Variants in BCAS3 observed in about 807,000 individuals in gnomAD.
BCAS3 encodes the protein BCAS4/BCAS3 fusion.
In BCAS3, 53 loss-of-function variants were observed where a neutral mutation model predicts 116.1. The observed-to-expected ratio is 0.46, with a 90% CI of 0.37 to 0.57. The LOEUF (loss-of-function observed/expected upper bound fraction) is 0.57, where lower values mean the gene tolerates loss of function less well. Among genes scored for constraint, BCAS3 ranks in the 20% least tolerant of loss-of-function variants. The probability of loss-of-function intolerance (pLI) is 0.00; values close to 1 mark genes in which losing one functional copy is unlikely to be tolerated. For synonymous variants in BCAS3, 391 were observed against 408.2 expected, an observed-to-expected ratio of 0.96 and a Z score of 0.51; for missense variants, 917 against 1,165.4, an observed-to-expected ratio of 0.79 and a Z score of 3.10.
At chr17:61,328,856 T>C (rs534349292) in intron 22 of BCAS3, among the ~76,000 whole-genome samples, 21 of 150,702 alleles carry the variant, frequency 1.4e-4, no homozygotes, top group Non-Finnish European at 2.4e-4. Context: ...CGTCTTTCTG[T>C]GCCTTCACAT....
rs982009953 is a variant in BCAS3, at chr17:61,213,055, G to A, written c.2425+128491G>A. ...AGTTTGGGATAGTTCTTTGGGGCAG[G>A]ACCCATGTCACACTTTTTCTGTATT... is the stretch of plus-strand genomic sequence containing the variant. On this transcript the variant is annotated intron_variant, in intron 22 of 23. Transcript: ENST00000407086. This position sits in a 1 kb window ranked among gnomAD's most constrained non-coding sequence, Gnocchi z 5.4. 6.6e-6 allele frequency among the ~76,000 whole-genome samples: 1 copy of A among 152,060 alleles called. No individual in the cohort carries two copies. The highest frequency in any genetic ancestry group is 1.5e-5 in the Non-Finnish European group (1 of 68,006).
In BCAS3 at chr17:61,298,983, C is replaced by T. The variant is rs139134582; in HGVS notation, c.2426-69344C>T. 1.6e-3 allele frequency among the ~76,000 whole-genome samples: 247 copies of T among 151,956 alleles called. 6 individuals are homozygous for T. In the East Asian group the frequency reaches 0.04, roughly 24 times the overall value. On this transcript the variant is annotated intron_variant, in intron 22 of 23. Coordinates refer to ENST00000407086, the MANE Select transcript of BCAS3 (RefSeq NM_017679.5). ...GATGAGAGGCACCCTGCACCATACC[C>T]GGCTACTTTTTATATTTTTAGTAGA...
rs913614699 is a variant in BCAS3, at chr17:61,391,019, C to T, written c.2594-958C>T. ...GGGGGAGACTGAAAGGGAATCGGAA[C>T]TGACCACCTTCAAAAAGCCAAGAAG... On this transcript the variant is annotated intron_variant, in intron 23 of 23. Transcript: ENST00000407086. The surrounding 1 kb of genome is among the most constrained non-coding windows in gnomAD (Gnocchi z 7.7). 6.6e-6 allele frequency: 1 copy of T among 152,250 alleles called. No individual in the cohort carries two copies. The highest frequency in any genetic ancestry group is 1.5e-5 in the Non-Finnish European group (1 of 68,066). 9.4% of individuals were successfully genotyped at this position (152,250 alleles called of 1,614,324 possible).
intron 6 of BCAS3, among the ~76,000 whole-genome samples, chr17:60,787,831 C>G (rs2046409174): frequency 6.6e-6 from 1 of 151,272 alleles, no homozygotes; most frequent in Non-Finnish European, 1.5e-5. Flanking sequence ...AGTATGGGTG[C>G]AGAGTGAGCA....
intron 14 of BCAS3, among the ~76,000 whole-genome samples, chr17:60,951,045 T>C (rs2060804156): frequency 6.6e-6 from 1 of 152,216 alleles, no homozygotes; most frequent in Admixed American, 6.5e-5. Flanking sequence ...GTAGAAGTTT[T>C]GCAACTAGGA....
intron 15 of BCAS3, among the ~76,000 whole-genome samples, chr17:60,991,880 T>A (rs1435112848): frequency 2.0e-5 from 3 of 152,120 alleles, no homozygotes; most frequent in Non-Finnish European, 1.5e-5. Context: ...TGACCTTTTG[T>A]TTCTGCCTTC....
At chr17:60,902,155 A>G (rs1367928291) in intron 10 of BCAS3, among the ~76,000 whole-genome samples, 4 of 152,214 alleles carry the variant, frequency 2.6e-5, no homozygotes, top group African/African-American at 7.2e-5. Context: ...CACTGACACA[A>G]TTGAAAATAT....
At chr17:60,817,964 C>T (rs77260877) in intron 7 of BCAS3, among the ~76,000 whole-genome samples, 6,655 of 151,606 alleles carry the variant, frequency 0.044, 383 homozygotes, top group African/African-American at 0.13. Context: ...AAGAAATTCT[C>T]CTGCCACAGC....
At chr17:61,001,054 CT>C (rs1210785407) in intron 15 of BCAS3, among the ~76,000 whole-genome samples, 2 of 152,142 alleles carry the variant, frequency 1.3e-5, no homozygotes, top group Non-Finnish European at 2.9e-5. Flanking sequence ...GGATTCACTT[CT>C]GCAGTTCTCT....
At chr17:61,320,987 C>T (rs1344685420) in intron 22 of BCAS3, among the ~76,000 whole-genome samples, 1 of 152,124 alleles carries the variant, frequency 6.6e-6, no homozygotes, top group East Asian at 1.9e-4. Context: ...AGGATTATTA[C>T]TATTAGTTCA....
intron 22 of BCAS3, among the ~76,000 whole-genome samples, chr17:61,163,669 A>G (rs1249998454): frequency 1.3e-5 from 2 of 152,022 alleles, no homozygotes; most frequent in Admixed American, 6.5e-5. Context: ...CCATCTACCC[A>G]AAAGTCAAAC....
rs182088996 is a variant in BCAS3, at chr17:61,145,807, G to A, written c.2425+61243G>A. Among the ~76,000 whole-genome samples, 43 of 152,094 alleles carry A rather than the reference G, an allele frequency of 2.8e-4. No individual in the cohort carries two copies. Among genetic ancestry groups the A allele is most frequent in the African/African-American group, 9.2e-4 (38 of 41,478 alleles). On this transcript the variant is annotated intron_variant, in intron 22 of 23. Coordinates refer to ENST00000407086, the MANE Select transcript of BCAS3 (RefSeq NM_017679.5). This position sits in a 1 kb window ranked among gnomAD's most constrained non-coding sequence, Gnocchi z 5.0. Reference sequence around the variant, plus strand: ...TAATATGAAAGTCCTCTTAACAAGCGTGGACAGAGGAAGTTTTAGGTTTGA... The same window carrying A: ...TAATATGAAAGTCCTCTTAACAAGCATGGACAGAGGAAGTTTTAGGTTTGA...
At chr17:60,850,644 C>A (rs944230126) in intron 7 of BCAS3, among the ~76,000 whole-genome samples, 4 of 152,122 alleles carry the variant, frequency 2.6e-5, no homozygotes, top group African/African-American at 9.7e-5. Context: ...GAGGCGTGAG[C>A]CACTGCGCCC....
rs1174273949 is a variant in BCAS3 at position 60,990,805 on chromosome 17, C to G, written c.1486+570C>G. On this transcript the variant is annotated intron_variant, in intron 15 of 23. Transcript: ENST00000407086. This position sits in a 1 kb window ranked among gnomAD's most constrained non-coding sequence, Gnocchi z 5.1. Reference sequence around the variant, plus strand: ...GGGATTACAGGCATCCGCCACCACGCCTGGCTGATTTTCAGTATTTTTAGT... The same window carrying G: ...GGGATTACAGGCATCCGCCACCACGGCTGGCTGATTTTCAGTATTTTTAGT... Among the ~76,000 whole-genome samples the G allele has an allele frequency of 6.6e-6, 1 of 152,144 alleles. No homozygotes were observed. The highest frequency in any genetic ancestry group is 1.5e-5 in the Non-Finnish European group (1 of 68,028).
At position 61,337,485 on chromosome 17, in the gene BCAS3, G is replaced by A. The variant is rs1321604308; in HGVS notation, c.2426-30842G>A. Reference sequence around the variant, plus strand: ...CGCTTGGCTTTGCCCACAGCCCTCGGCCCCAGGTCTTCCTCTTGGAGCAAC... The same window carrying A: ...CGCTTGGCTTTGCCCACAGCCCTCGACCCCAGGTCTTCCTCTTGGAGCAAC... On this transcript the variant is annotated intron_variant, in intron 22 of 23. Transcript: ENST00000407086. This position sits in a 1 kb window ranked among gnomAD's most constrained non-coding sequence, Gnocchi z 4.8. 6.6e-6 allele frequency among the ~76,000 whole-genome samples: 1 copy of A among 152,128 alleles called. No homozygotes were observed. The highest frequency in any genetic ancestry group is 1.9e-4 in the East Asian group (1 of 5,174).
At position 61,365,306 on chromosome 17, in the gene BCAS3, C is replaced by G. The variant is rs1442072827; in HGVS notation, c.2426-3021C>G. 2.6e-5 allele frequency among the ~76,000 whole-genome samples: 4 copies of G among 152,158 alleles called. No individual in the cohort carries two copies. The highest frequency in any genetic ancestry group is 5.9e-5 in the Non-Finnish European group (4 of 68,026). ...ACTGGGCCCAACATCTTACCCTAAC[C>G]TTTCTTGCTATAACATTGATTGATT... On this transcript the variant is annotated intron_variant, in intron 22 of 23. Coordinates refer to ENST00000407086, the MANE Select transcript of BCAS3 (RefSeq NM_017679.5). This position sits in a 1 kb window ranked among gnomAD's most constrained non-coding sequence, Gnocchi z 4.6.
chr17:61,388,628 A>G lies in BCAS3; in HGVS notation c.2594-3349A>G, dbSNP rs1224681799. The G allele has an allele frequency of 4.6e-6, 7 of 1,534,640 alleles. No individual in the cohort carries two copies. In the Admixed American group the frequency reaches 6.0e-5, roughly 13 times the overall value. On this transcript the variant is annotated intron_variant, in intron 23 of 23. Coordinates refer to ENST00000407086, the MANE Select transcript of BCAS3 (RefSeq NM_017679.5). This position sits in a 1 kb window ranked among gnomAD's most constrained non-coding sequence, Gnocchi z 6.5. ...TTTTCTTTTCAAAAGGGAAAAAAAA[A>G]GGAAAAAAAAAACAATGCCAACAGC... is the stretch of plus-strand genomic sequence containing the variant.
intron 4 of BCAS3, 29 bp downstream of exon 4, chr17:60,689,790 T>C: frequency 6.8e-7 from 1 of 1,472,270 alleles, no homozygotes; most frequent in Non-Finnish European, 9.5e-7. Context: ...TTGGGACGTG[T>C]GAATTAATTG....
In BCAS3 at chr17:61,265,595, T is replaced by G. The variant is rs1488174144; in HGVS notation, c.2426-102732T>G. ...TTGTTTGGCTACAATTCATGTTGAC[T>G]TTACGTAAGGATTGCCAATTCATGC... On this transcript the variant is annotated intron_variant, in intron 22 of 23. Coordinates refer to ENST00000407086, the MANE Select transcript of BCAS3 (RefSeq NM_017679.5). This position sits in a 1 kb window ranked among gnomAD's most constrained non-coding sequence, Gnocchi z 4.3. 1.3e-5 allele frequency among the ~76,000 whole-genome samples: 2 copies of G among 152,208 alleles called. No individual in the cohort carries two copies. The highest frequency in any genetic ancestry group is 4.8e-5 in the African/African-American group (2 of 41,460).
Sources: gnomAD v4.1 joint callset for allele counts (sites outside exome capture counted in the v4.1 genomes callset) on GRCh38, gnomAD v4.1.1 for gene constraint, Gnocchi (gnomAD v3.1) non-coding constraint, MANE v1.5 for transcripts, NCBI Gene and HGNC (gene_info 2026-07-23, HGNC 2026-07-21) for gene names.